PMM2: variants seen among roughly 807,000 people sequenced by gnomAD.
The protein encoded by PMM2 is phosphomannomutase 2.
PMM2 carries 35 observed loss-of-function variants against 33.2 expected under a neutral mutation model. The ratio of observed to expected loss-of-function variants is 1.06; its 90% CI spans 0.81 to 1.40. The LOEUF (loss-of-function observed/expected upper bound fraction) is 1.40. PMM2 is among the 40% of genes most tolerant of loss of function. The pLI, the probability that PMM2 is intolerant of heterozygous loss-of-function variation, is 0.00. For synonymous variants in PMM2, 153 were observed against 114.7 expected, an observed-to-expected ratio of 1.33 and a Z score of -2.13; for missense variants, 386 against 306.0, an observed-to-expected ratio of 1.26 and a Z score of -1.95.
chr16:8,823,175 A>G (rs1232691322), intron 7 of PMM2, among the ~76,000 whole-genome samples: 1 of 152,200 alleles, frequency 6.6e-6, no homozygotes, highest in Non-Finnish European at 1.5e-5. Flanking sequence ...AGGCATCTTT[A>G]GTTATAGAGG....
chr16:8,828,812 G>A (rs962148099), intron 7 of PMM2, among the ~76,000 whole-genome samples: 1 of 152,146 alleles, frequency 6.6e-6, no homozygotes, highest in East Asian at 1.9e-4. Context: ...TTTGGTTTGC[G>A]CTGTATCTCC....
At chr16:8,831,173 A>T (rs2060807520) in intron 7 of PMM2, among the ~76,000 whole-genome samples, 1 of 152,236 alleles carries the variant, frequency 6.6e-6, no homozygotes, top group Admixed American at 6.5e-5. Context: ...CTATAAACTG[A>T]ATTCCTCCCA....
rs966174303 is a variant in PMM2 at position 8,801,051 on chromosome 16, G to A, written c.67-748G>A. On this transcript the variant is annotated intron_variant, in intron 1 of 7. Coordinates refer to ENST00000268261, the MANE Select transcript of PMM2 (RefSeq NM_000303.3). ...TCAACAACTTAAATCCATAAATGGAGTATAGTGTAGCATTTAAAAGGAATG... is the reference window on the plus strand; with the variant it reads ...TCAACAACTTAAATCCATAAATGGAATATAGTGTAGCATTTAAAAGGAATG... Among the ~76,000 whole-genome samples the A allele has an allele frequency of 2.6e-5, 4 of 152,304 alleles. No individual in the cohort carries two copies. In the South Asian group the frequency reaches 8.3e-4, roughly 32 times the overall value.
At chr16:8,806,277 C>A (rs766115067) in intron 3 of PMM2, 39 bp from the exon 4 acceptor site, 14 of 1,340,222 alleles carry the variant, frequency 1.0e-5, no homozygotes, top group Non-Finnish European at 1.5e-5. Context: ...TGAAAATGCT[C>A]CTGCTAAATC....
At chr16:8,801,958 T>C in intron 2 of PMM2, 48 bp downstream of exon 2, 2 of 1,299,006 alleles carry the variant, frequency 1.5e-6, no homozygotes, top group South Asian at 1.2e-5. Flanking sequence ...TAACTTCTTA[T>C]GAGGATATTG....
At chr16:8,801,316 GC>G (rs753604461) in intron 1 of PMM2, among the ~76,000 whole-genome samples, 2 of 152,208 alleles carry the variant, frequency 1.3e-5, no homozygotes, top group South Asian at 4.2e-4. Context: ...TGGTAAAGAT[GC>G]CCCCCCAGTT....
At chr16:8,824,162 G>C (rs983667010) in intron 7 of PMM2, among the ~76,000 whole-genome samples, 2 of 152,164 alleles carry the variant, frequency 1.3e-5, no homozygotes, top group African/African-American at 4.8e-5. Flanking sequence ...AAGAAAAATA[G>C]TTTTCTGGAC....
chr16:8,833,335 A>C (rs1164605748), intron 7 of PMM2, among the ~76,000 whole-genome samples: 1 of 152,178 alleles, frequency 6.6e-6, no homozygotes, highest in Non-Finnish European at 1.5e-5. Context: ...GGCAGAAGCA[A>C]ATCACAATGG....
chr16:8,816,677 G>C (rs1233655400), intron 7 of PMM2, among the ~76,000 whole-genome samples: 2 of 152,100 alleles, frequency 1.3e-5, no homozygotes, highest in Non-Finnish European at 2.9e-5. Context: ...GGAGGTGGAG[G>C]TTGCAGTGAG....
intron 7 of PMM2, among the ~76,000 whole-genome samples, chr16:8,833,219 G>A (rs149453932): frequency 1.8e-3 from 280 of 152,284 alleles, no homozygotes; most frequent in Admixed American, 3.8e-3. Flanking sequence ...AATGTTTTGC[G>A]GGCAGGAGTG....
At chr16:8,801,139 C>A (rs530776329) in intron 1 of PMM2, among the ~76,000 whole-genome samples, 5 of 152,264 alleles carry the variant, frequency 3.3e-5, no homozygotes, top group African/African-American at 1.2e-4. Flanking sequence ...AACCAAAGTC[C>A]CTGCACAGGA....
At chr16:8,847,382 A>AAG (rs1401320539) in intron 7 of PMM2, among the ~76,000 whole-genome samples, 3 of 151,534 alleles carry the variant, frequency 2.0e-5, no homozygotes, top group Non-Finnish European at 4.4e-5. Context: ...ACAGCTAAAA[A>AAG]AAAAAAAAAA....
chr16:8,801,010 T>C (rs2060613117), intron 1 of PMM2, among the ~76,000 whole-genome samples: 1 of 152,200 alleles, frequency 6.6e-6, no homozygotes, highest in African/African-American at 2.4e-5. Context: ...TTTCATTATG[T>C]TGTTTTATTT....
At chr16:8,801,332 C>G (rs1469026363) in intron 1 of PMM2, among the ~76,000 whole-genome samples, 4 of 152,154 alleles carry the variant, frequency 2.6e-5, no homozygotes, top group African/African-American at 9.7e-5. Flanking sequence ...CCAGTTACAA[C>G]TAAAATATTT....
intron 7 of PMM2, among the ~76,000 whole-genome samples, chr16:8,830,423 A>G (rs28832656): frequency 0.24 from 37,179 of 152,166 alleles, 4,765 homozygotes; most frequent in South Asian, 0.34. Context: ...TCAGTCTCCA[A>G]GAATTTGGGG....
At chr16:8,833,990 T>C (rs1410121778) in intron 7 of PMM2, among the ~76,000 whole-genome samples, 6 of 151,502 alleles carry the variant, frequency 4.0e-5, no homozygotes, top group South Asian at 2.1e-4. Context: ...TAGTTGAGAA[T>C]GGCGAATAGG....
intron 7 of PMM2, among the ~76,000 whole-genome samples, chr16:8,842,879 G>GC (rs1555452735): frequency 6.6e-5 from 10 of 152,130 alleles, no homozygotes; most frequent in African/African-American, 2.4e-4. Context: ...TAATGGGATG[G>GC]TAATGGGCAT....
intron 7 of PMM2, among the ~76,000 whole-genome samples, chr16:8,835,760 A>C (rs921066617): frequency 6.6e-6 from 1 of 151,954 alleles, no homozygotes; most frequent in Non-Finnish European, 1.5e-5. Context: ...AAAGCGTGCC[A>C]TGGGATGGGA....
At chr16:8,815,148 C>T (rs1032422863) in intron 7 of PMM2, among the ~76,000 whole-genome samples, 1 of 151,886 alleles carries the variant, frequency 6.6e-6, no homozygotes, top group African/African-American at 2.4e-5. Flanking sequence ...CATGCTGGCA[C>T]AAATGGCAAG....
Sources: gnomAD v4.1 joint callset for allele counts (sites outside exome capture counted in the v4.1 genomes callset) on GRCh38, gnomAD v4.1.1 for gene constraint, MANE v1.5 for transcripts, NCBI Gene and HGNC (gene_info 2026-07-23, HGNC 2026-07-21) for gene names.